Variants in RANBP2 observed in about 807,000 individuals in gnomAD.
RANBP2 encodes RAN binding protein 2, also known as E3 SUMO-protein ligase RanBP2.
Under a neutral mutation model 303.6 loss-of-function variants are expected in RANBP2, and 57 were observed. The ratio of observed to expected loss-of-function variants is 0.19; its 90% CI spans 0.15 to 0.23. The LOEUF is 0.23. Among genes scored for constraint, RANBP2 ranks in the 10% least tolerant of loss-of-function variants. The pLI is 1.00. For missense variants in RANBP2, 3,138 were observed against 3,780.8 expected, an observed-to-expected ratio of 0.83 and a Z score of 4.46; for synonymous variants, 1,167 against 1,301.5, an observed-to-expected ratio of 0.90 and a Z score of 2.23.
At chr2:108,749,448 C>A (rs567365076) in intron 9 of RANBP2, among the ~76,000 whole-genome samples, 1 of 152,220 alleles carries the variant, frequency 6.6e-6, no homozygotes, top group South Asian at 2.1e-4. Flanking sequence ...AAATGCCCGC[C>A]ATCACGCCCG....
chr2:108,907,558 G>A, the RANBP2 span, among the ~76,000 whole-genome samples: 82 of 151,746 alleles, frequency 5.4e-4, 3 homozygotes, highest in East Asian at 0.015. Flanking sequence ...TGAGACAGGA[G>A]AATTGCTTGA....
the RANBP2 span, among the ~76,000 whole-genome samples, chr2:109,010,381 C>T: frequency 2.0e-5 from 3 of 150,848 alleles, no homozygotes; most frequent in Non-Finnish European, 4.4e-5. Context: ...CCCAGTTCAG[C>T]TGTCTAGTAA....
the RANBP2 span, among the ~76,000 whole-genome samples, chr2:108,924,609 T>C: frequency 6.6e-6 from 1 of 152,214 alleles, no homozygotes; most frequent in African/African-American, 2.4e-5. Flanking sequence ...AGCAGCAGCC[T>C]GGCACGGGGG....
chr2:109,352,963 T>TGA, the RANBP2 span, among the ~76,000 whole-genome samples: 12 of 152,378 alleles, frequency 7.9e-5, no homozygotes, highest in African/African-American at 2.9e-4. Context: ...ACACAGAATG[T>TGA]GAGCTCCTCT....
At chr2:109,389,452 G>A in the RANBP2 span, among the ~76,000 whole-genome samples, 2 of 152,188 alleles carry the variant, frequency 1.3e-5, no homozygotes, top group African/African-American at 4.8e-5. Context: ...TGAGCCTAGA[G>A]AAATGGTCTG....
chr2:109,383,318 T>C, the RANBP2 span, among the ~76,000 whole-genome samples: 53 of 152,302 alleles, frequency 3.5e-4, no homozygotes, highest in South Asian at 4.2e-4. Context: ...TGGGGGGTCA[T>C]GGGGGACCCC....
chr2:108,861,771 G>A, the RANBP2 span, among the ~76,000 whole-genome samples: 171 of 151,842 alleles, frequency 1.1e-3, 1 homozygote, highest in African/African-American at 3.5e-3. Context: ...GTGAGCCACC[G>A]CGCCCGGCCT....
intron 9 of RANBP2, 42 bp from the exon 10 acceptor site, chr2:108,751,222 A>G (rs1675855005): frequency 6.2e-7 from 1 of 1,611,990 alleles, no homozygotes; most frequent in Non-Finnish European, 8.5e-7. Flanking sequence ...GGCACAAGGA[A>G]AAATTTCAAA....
At chr2:108,907,725 C>T in the RANBP2 span, 1 of 995,898 alleles carries the variant, frequency 1.0e-6, no homozygotes, top group Non-Finnish European at 1.6e-6. Flanking sequence ...TTGTCACTGT[C>T]CAGGTCTCCT....
the RANBP2 span, among the ~76,000 whole-genome samples, chr2:109,603,440 CCT>C: frequency 5.3e-5 from 8 of 151,954 alleles, no homozygotes; most frequent in African/African-American, 1.9e-4. Flanking sequence ...GGGGTTTCAC[CCT>C]GTTAGCCAAG....
the RANBP2 span, among the ~76,000 whole-genome samples, chr2:108,865,005 A>G: frequency 2.4e-3 from 366 of 152,174 alleles, 5 homozygotes; most frequent in African/African-American, 8.5e-3. Flanking sequence ...CATAATTTCA[A>G]AAGTACAAAA....
the RANBP2 span, among the ~76,000 whole-genome samples, chr2:108,985,289 C>T: frequency 1.7e-4 from 26 of 152,300 alleles, no homozygotes; most frequent in South Asian, 2.1e-4. Flanking sequence ...CTAAGAGTAA[C>T]GTGACTGTGG....
the RANBP2 span, among the ~76,000 whole-genome samples, chr2:109,709,394 C>T: frequency 6.6e-6 from 1 of 150,448 alleles, no homozygotes; most frequent in East Asian, 2.0e-4. Context: ...CAAAACAAAA[C>T]TTTAGCTTTG....
chr2:109,110,097 G>A, the RANBP2 span, among the ~76,000 whole-genome samples: 7 of 152,104 alleles, frequency 4.6e-5, no homozygotes, highest in Non-Finnish European at 7.3e-5. Context: ...GAGACAAAAC[G>A]CTGGAATATA....
the RANBP2 span, among the ~76,000 whole-genome samples, chr2:109,275,021 T>G: frequency 6.6e-6 from 1 of 152,214 alleles, no homozygotes; most frequent in African/African-American, 2.4e-5. Flanking sequence ...ATTTATACTG[T>G]AATATTTATA....
chr2:109,251,042 C>T, the RANBP2 span, among the ~76,000 whole-genome samples: 1 of 151,772 alleles, frequency 6.6e-6, no homozygotes, highest in African/African-American at 2.4e-5. Context: ...CACTCTGTCG[C>T]CCAGGCTGGA....
At chr2:109,279,792 C>T in the RANBP2 span, among the ~76,000 whole-genome samples, 12 of 152,132 alleles carry the variant, frequency 7.9e-5, no homozygotes, top group East Asian at 5.8e-4. Context: ...AGAGCCAGGC[C>T]GGGCAAGAAG....
chr2:109,615,062 C>T, the RANBP2 span: 2 of 1,549,326 alleles, frequency 1.3e-6, no homozygotes, highest in East Asian at 4.9e-5. Context: ...GGGGCAGCTC[C>T]CTTGTGGGGG....
At chr2:109,034,196 C>T in the RANBP2 span, among the ~76,000 whole-genome samples, 13 of 126,578 alleles carry the variant, frequency 1.0e-4, no homozygotes, top group African/African-American at 3.0e-4. Flanking sequence ...CACTTGAACC[C>T]GGGAGGTGGA....
Sources: gnomAD v4.1 joint callset for allele counts (sites outside exome capture counted in the v4.1 genomes callset) on GRCh38, gnomAD v4.1.1 for gene constraint, MANE v1.5 for transcripts, NCBI Gene and HGNC (gene_info 2026-07-23, HGNC 2026-07-21) for gene names.